GCN1: variants seen among roughly 807,000 people sequenced by gnomAD.
GCN1 encodes stalled ribosome sensor GCN1.
In GCN1, 90 loss-of-function variants were observed where a neutral mutation model predicts 288.4. The observed-to-expected ratio is 0.31, with a 90% CI of 0.26 to 0.37. GCN1 has a LOEUF of 0.37. Among genes scored for constraint, GCN1 ranks in the 10% least tolerant of loss-of-function variants. The pLI is 1.00. For missense variants in GCN1, 2,586 were observed against 3,419.9 expected (o/e 0.76, Z 6.08); for synonymous variants, 1,386 against 1,420.2 (o/e 0.98, Z 0.54).
chr12:120,184,908 G>A, intron 2 of GCN1, 21 bp from the exon 3 acceptor site: 1 of 1,568,616 alleles, frequency 6.4e-7, no homozygotes, highest in Non-Finnish European at 8.8e-7. Context: ...AGATTACACA[G>A]ACAGCGGTCA....
intron 37 of GCN1, among the ~76,000 whole-genome samples, chr12:120,147,932 A>G (rs1877414005): frequency 6.6e-6 from 1 of 152,180 alleles, no homozygotes; most frequent in Admixed American, 6.5e-5. Context: ...AATGGTGCTG[A>G]TGTGGTCCAG....
intron 9 of GCN1, 57 bp downstream of exon 9, chr12:120,177,390 G>A (rs1276218291): frequency 1.2e-6 from 1 of 844,206 alleles, no homozygotes; most frequent in African/African-American, 1.7e-5. Context: ...CAAATATCGA[G>A]AATAGAGATA....
At chr12:120,177,187 C>G (rs957338219) in intron 9 of GCN1, among the ~76,000 whole-genome samples, 1 of 152,106 alleles carries the variant, frequency 6.6e-6, no homozygotes, top group African/African-American at 2.4e-5. Context: ...ATCAGCCTCC[C>G]GAGTTGAGCT....
chr12:120,182,298 C>T (rs1353816262), intron 5 of GCN1, among the ~76,000 whole-genome samples: 1 of 152,152 alleles, frequency 6.6e-6, no homozygotes, highest in Admixed American at 6.6e-5. Flanking sequence ...ATACGTAATC[C>T]TTGACCCTCA....
At position 120,153,604 on chromosome 12, in the gene GCN1, G is replaced by A; in HGVS notation, c.3867+140C>T. The A allele has an allele frequency of 1.1e-6, 1 of 913,226 alleles. No homozygotes were observed. The highest frequency in any genetic ancestry group is 1.7e-6 in the Non-Finnish European group (1 of 593,832). 56.6% of individuals were successfully genotyped at this position (913,226 alleles called of 1,614,324 possible). On this transcript the variant is annotated intron_variant, in intron 32 of 57. Coordinates refer to ENST00000300648, the MANE Select transcript of GCN1 (RefSeq NM_006836.2). The surrounding 1 kb of genome is among the most constrained non-coding windows in gnomAD (Gnocchi z 4.4). ...TTAACACACTATCATGGTCTTTTTGGCTCAAAGTGCTCTGCCAGGACTCTT... is the reference window on the plus strand; with the variant it reads ...TTAACACACTATCATGGTCTTTTTGACTCAAAGTGCTCTGCCAGGACTCTT...
chr12:120,133,806 T>C (rs1295157006), intron 53 of GCN1, among the ~76,000 whole-genome samples: 1 of 152,178 alleles, frequency 6.6e-6, no homozygotes, highest in Non-Finnish European at 1.5e-5. Context: ...CGGTGGCTCA[T>C]GCCTGTTAAT....
At chr12:120,194,712 CTCCGGAACCGCT>C in exon 1 of GCN1, 1 of 1,500,216 alleles carries the variant, frequency 6.7e-7, no homozygotes, top group Non-Finnish European at 8.8e-7. Context: ...CCGGGGCTGA[CTCCGGAACCGCT>C]TCCGGAACGC....
intron 57 of GCN1, 99 bp from the exon 58 acceptor site, chr12:120,128,073 A>G: frequency 7.6e-7 from 1 of 1,308,040 alleles, no homozygotes; most frequent in Non-Finnish European, 1.1e-6. Context: ...CCCCAGAACT[A>G]GAGACACTGA....
chr12:120,180,077 C>T (rs1337039563), intron 5 of GCN1, among the ~76,000 whole-genome samples: 2 of 152,182 alleles, frequency 1.3e-5, no homozygotes, highest in African/African-American at 4.8e-5. Context: ...GAGGCCGAGG[C>T]AGGCAGATCA....
chr12:120,146,509 G>C (rs1220369151), intron 38 of GCN1, among the ~76,000 whole-genome samples: 1 of 151,956 alleles, frequency 6.6e-6, no homozygotes, highest in East Asian at 1.9e-4. Context: ...GGGATTACAA[G>C]CATTAGCCAC....
At position 120,156,440 on chromosome 12, in the gene GCN1, GCT is replaced by G. The variant is rs2139109345; in HGVS notation, c.3312+19_3312+20del. The G allele has an allele frequency of 4.3e-6, 7 of 1,610,664 alleles. No homozygotes were observed. Among genetic ancestry groups the G allele is most frequent in the Non-Finnish European group, 5.1e-6 (6 of 1,178,004 alleles). ...TAGAGTGACAAGGGACACTGCAGTG[GCT>G]CTGAGACTGAGCACACACCCGGAGC... On this transcript the variant is annotated intron_variant, in intron 28 of 57. Transcript: ENST00000300648. The surrounding 1 kb of genome is among the most constrained non-coding windows in gnomAD (Gnocchi z 5.8).
chr12:120,176,802 T>C (rs1414817794), intron 9 of GCN1, among the ~76,000 whole-genome samples: 4 of 152,190 alleles, frequency 2.6e-5, no homozygotes, highest in Non-Finnish European at 5.9e-5. Flanking sequence ...AGTCTGGCTC[T>C]GTCGCCCAGG....
chr12:120,150,729 A>G (rs1466817676), intron 34 of GCN1, among the ~76,000 whole-genome samples: 1 of 152,018 alleles, frequency 6.6e-6, no homozygotes, highest in Non-Finnish European at 1.5e-5. Flanking sequence ...CGAGGTCAGG[A>G]GATCGAGACC....
chr12:120,177,703 T>C lies in GCN1; in HGVS notation c.710A>G (p.Lys237Arg), dbSNP rs1462499101. Residue 237 changes from lysine (K) to arginine (R), a missense_variant, in exon 8 of 58, where the codon AAG (lysine) becomes AGG (arginine). By Grantham distance (26) the Lys-to-Arg change is conservative. Around this residue, in one of 8 missense-constraint regions of GCN1, gnomAD observed 913 missense variants for 1,107.0 expected, o/e 0.82. Coordinates refer to ENST00000300648, the MANE Select transcript of GCN1 (RefSeq NM_006836.2). The part of the protein sequence containing the change: ...YMKNILMSKV[K>R]PPKYLLDSCA... ...GCTCACCAACAGGTACTTCGGAGGC[T>C]TGACTTTGCTCATCAGGATGTTCTT... 3.7e-6 allele frequency: 6 copies of C among 1,613,536 alleles called. No homozygotes were observed. The East Asian group carries it at 6.7e-5, about 18-fold the overall frequency.
intron 5 of GCN1, among the ~76,000 whole-genome samples, chr12:120,180,840 A>T (rs996029244): frequency 2.6e-5 from 4 of 151,506 alleles, no homozygotes; most frequent in Non-Finnish European, 5.9e-5. Context: ...TACAAAAAAA[A>T]TTAGCTGGGC....
At chr12:120,152,411 A>AC (rs1555300599) in intron 33 of GCN1, among the ~76,000 whole-genome samples, 130 of 132,612 alleles carry the variant, frequency 9.8e-4, no homozygotes, top group Non-Finnish European at 1.7e-3. Context: ...ACACACACAC[A>AC]AAATATATAT....
chr12:120,184,067 C>CA (rs1350842270), intron 4 of GCN1, 45 bp downstream of exon 4: 2 of 1,553,466 alleles, frequency 1.3e-6, no homozygotes, highest in Non-Finnish European at 1.8e-6. Context: ...TTCTCCTGAG[C>CA]AGGACTGTAC....
rs1233959615 is a variant in GCN1 at position 120,156,208 on chromosome 12, C to T, written c.3312+253G>A. Among the ~76,000 whole-genome samples the T allele has an allele frequency of 6.6e-6, 1 of 152,100 alleles. No individual in the cohort carries two copies. Among genetic ancestry groups the T allele is most frequent in the Non-Finnish European group, 1.5e-5 (1 of 68,022 alleles). On this transcript the variant is annotated intron_variant, in intron 28 of 57. Transcript: ENST00000300648. The surrounding 1 kb of genome is among the most constrained non-coding windows in gnomAD (Gnocchi z 5.8). ...ACTCCTCCTGCAAGTTAGCTCTGTC[C>T]GTGGAAGTACCAAGGTCCACATTCC...
intron 22 of GCN1, among the ~76,000 whole-genome samples, chr12:120,160,519 G>A (rs527559830): frequency 3.9e-5 from 6 of 152,200 alleles, no homozygotes; most frequent in South Asian, 2.1e-4. Context: ...TTATGTTAGA[G>A]AAATAAAGGT....
Sources: allele counts gnomAD v4.1 joint callset (sites outside exome capture counted in the v4.1 genomes callset), GRCh38; gene constraint gnomAD v4.1.1; regional missense constraint gnomAD v4.1.1; non-coding constraint Gnocchi (gnomAD v3.1); transcripts MANE v1.5; gene names NCBI Gene and HGNC (gene_info 2026-07-23, HGNC 2026-07-21).